The following HMGB1 variants were observed in gnomAD, a reference collection of about 807,000 sequenced individuals.
The protein encoded by HMGB1 is high mobility group protein B1.
For missense variants in HMGB1, 79 were observed against 253.5 expected (o/e 0.31, Z 4.67); for synonymous variants, 81 against 84.0 (o/e 0.96, Z 0.19).
chr13:30,474,854 GT>G (rs1275635810), intron 1 of HMGB1, among the ~76,000 whole-genome samples: 1,439 of 67,616 alleles, frequency 0.021, 19 homozygotes, highest in African/African-American at 0.067. Context: ...CTCTTTTTTT[GT>G]TTTTTTTTTT....
chr13:30,534,949 C>T (rs1487728571), intron 1 of HMGB1, among the ~76,000 whole-genome samples: 2 of 152,218 alleles, frequency 1.3e-5, no homozygotes, highest in African/African-American at 2.4e-5. Context: ...AGCATTTTCA[C>T]TGTGCTATCC....
chr13:30,526,482 A>C (rs1254239626), intron 1 of HMGB1, among the ~76,000 whole-genome samples: 1 of 152,252 alleles, frequency 6.6e-6, no homozygotes, highest in African/African-American at 2.4e-5. Context: ...GACAGAGAAC[A>C]GTGAGACTGG....
chr13:30,587,988 C>T (rs17681594), intron 1 of HMGB1, among the ~76,000 whole-genome samples: 22,836 of 152,190 alleles, frequency 0.15, 1,868 homozygotes, highest in African/African-American at 0.23. Flanking sequence ...AATCAATCAG[C>T]AGTGAACAAA....
chr13:30,598,666 G>T (rs1334413037), intron 1 of HMGB1, among the ~76,000 whole-genome samples: 3 of 152,208 alleles, frequency 2.0e-5, no homozygotes, highest in African/African-American at 7.2e-5. Flanking sequence ...ATAGTGTAGG[G>T]TGGGGTGAAG....
At chr13:30,474,051 G>A (rs1326904223) in intron 1 of HMGB1, among the ~76,000 whole-genome samples, 2 of 152,328 alleles carry the variant, frequency 1.3e-5, no homozygotes, top group African/African-American at 4.8e-5. Context: ...TGGGGAAAAA[G>A]AGAGTGCCTG....
chr13:30,472,265 T>C (rs1459151531), intron 1 of HMGB1, among the ~76,000 whole-genome samples: 1 of 151,832 alleles, frequency 6.6e-6, no homozygotes, highest in Non-Finnish European at 1.5e-5. Flanking sequence ...AGACTCTGTC[T>C]CAAAACAAAG....
At chr13:30,545,094 G>C (rs1474899374) in intron 1 of HMGB1, among the ~76,000 whole-genome samples, 1 of 151,670 alleles carries the variant, frequency 6.6e-6, no homozygotes, top group Non-Finnish European at 1.5e-5. Context: ...TCTTCTGTTT[G>C]CATTGATTTC....
chr13:30,467,376 A>C (rs985918184), upstream of HMGB1, among the ~76,000 whole-genome samples: 1 of 152,190 alleles, frequency 6.6e-6, no homozygotes, highest in African/African-American at 2.4e-5. Context: ...TATTTCCTCA[A>C]ATGTATTAAA....
At chr13:30,608,895 C>T (rs113334093) in intron 1 of HMGB1, among the ~76,000 whole-genome samples, 3 of 152,292 alleles carry the variant, frequency 2.0e-5, no homozygotes, top group African/African-American at 7.2e-5. Flanking sequence ...ATTTTGTGCC[C>T]TCATGGAGTT....
intron 1 of HMGB1, among the ~76,000 whole-genome samples, chr13:30,583,684 C>G (rs1871007862): frequency 6.6e-6 from 1 of 151,554 alleles, no homozygotes; most frequent in African/African-American, 2.4e-5. Context: ...ACTAAAAATA[C>G]AAAAATTAGC....
chr13:30,572,513 C>T (rs1417051991), intron 1 of HMGB1, among the ~76,000 whole-genome samples: 1 of 152,178 alleles, frequency 6.6e-6, no homozygotes, highest in Non-Finnish European at 1.5e-5. Context: ...TATTTTAATG[C>T]AACTCTGCTA....
At chr13:30,519,392 C>CA (rs59577109) in intron 1 of HMGB1, among the ~76,000 whole-genome samples, 3,696 of 78,682 alleles carry the variant, frequency 0.047, 144 homozygotes, top group African/African-American at 0.15. Context: ...CACTCTGTCT[C>CA]AAAAAAAAAA....
intron 1 of HMGB1, among the ~76,000 whole-genome samples, chr13:30,491,659 T>TC (rs1387332976): frequency 1.7e-5 from 2 of 115,994 alleles, no homozygotes; most frequent in African/African-American, 3.1e-5. Context: ...AGACCCTATC[T>TC]CAAAAAAAAA....
intron 1 of HMGB1, among the ~76,000 whole-genome samples, chr13:30,515,745 G>A (rs1376115359): frequency 6.7e-6 from 1 of 148,740 alleles, no homozygotes; most frequent in African/African-American, 2.5e-5. Context: ...AAACATGAAA[G>A]GAATTATTTA....
chr13:30,518,571 A>C (rs1888151811), intron 1 of HMGB1, among the ~76,000 whole-genome samples: 1 of 152,170 alleles, frequency 6.6e-6, no homozygotes, highest in African/African-American at 2.4e-5. Flanking sequence ...CTTCTGTAAA[A>C]TAGGAGAAAT....
intron 1 of HMGB1, among the ~76,000 whole-genome samples, chr13:30,526,453 G>A (rs1888369601): frequency 6.6e-6 from 1 of 152,188 alleles, no homozygotes; most frequent in African/African-American, 2.4e-5. Context: ...GATGATAAAT[G>A]AAGGCTGAGA....
intron 1 of HMGB1, among the ~76,000 whole-genome samples, chr13:30,480,779 C>T (rs1000534601): frequency 7.2e-5 from 11 of 152,034 alleles, no homozygotes; most frequent in African/African-American, 2.4e-4. Context: ...CCGCCCTTCT[C>T]TCTCATGCTT....
chr13:30,502,389 C>T (rs1887753236), intron 1 of HMGB1, among the ~76,000 whole-genome samples: 1 of 152,160 alleles, frequency 6.6e-6, no homozygotes, highest in Non-Finnish European at 1.5e-5. Context: ...AAAAATCAAA[C>T]TTGTTCTCCT....
intron 1 of HMGB1, chr13:30,540,034 C>A: frequency 6.4e-6 from 1 of 155,594 alleles, no homozygotes; most frequent in South Asian, 1.8e-4. Flanking sequence ...GTCAATCTCT[C>A]CTAACTGGTA....
Sources: gnomAD v4.1 joint callset for allele counts (sites outside exome capture counted in the v4.1 genomes callset) on GRCh38, gnomAD v4.1.1 for gene constraint, MANE v1.5 for transcripts, NCBI Gene and HGNC (gene_info 2026-07-23, HGNC 2026-07-21) for gene names.